CCDC192: variants seen among roughly 807,000 people sequenced by gnomAD.
CCDC192 encodes coiled-coil domain-containing protein 192.
At chr5:127,780,583 G>C (rs1029979670) in intron 3 of CCDC192, among the ~76,000 whole-genome samples, 1 of 152,156 alleles carries the variant, frequency 6.6e-6, no homozygotes, top group Middle Eastern at 3.4e-3. Context: ...GTGATGTTGA[G>C]CATTTTTTCA....
At chr5:127,757,193 A>G (rs768864581) in intron 3 of CCDC192, among the ~76,000 whole-genome samples, 6 of 152,202 alleles carry the variant, frequency 3.9e-5, no homozygotes, top group Non-Finnish European at 7.3e-5. Flanking sequence ...AGGTGTTTAT[A>G]TGACTCCAAG....
chr5:127,910,219 C>T (rs1246645949), intron 6 of CCDC192, among the ~76,000 whole-genome samples: 1 of 152,178 alleles, frequency 6.6e-6, no homozygotes, highest in Non-Finnish European at 1.5e-5. Context: ...TTATGGCTGT[C>T]AAGATGATGA....
chr5:127,887,216 C>A (rs933130673), intron 6 of CCDC192, among the ~76,000 whole-genome samples: 1 of 150,990 alleles, frequency 6.6e-6, no homozygotes, highest in African/African-American at 2.4e-5. Flanking sequence ...GTAATCCCAG[C>A]TACTCTGGAG....
chr5:127,845,753 A>C (rs1040102177), intron 5 of CCDC192, among the ~76,000 whole-genome samples: 2 of 152,222 alleles, frequency 1.3e-5, no homozygotes, highest in Non-Finnish European at 2.9e-5. Context: ...TATAACTCTT[A>C]CTTTAGCATG....
intron 5 of CCDC192, among the ~76,000 whole-genome samples, chr5:127,841,986 G>A (rs1750311666): frequency 6.6e-6 from 1 of 152,212 alleles, no homozygotes; most frequent in South Asian, 2.1e-4. Context: ...AGTGACAGAG[G>A]CTGTGTTGAC....
intron 3 of CCDC192, among the ~76,000 whole-genome samples, chr5:127,755,639 T>G (rs2126877009): frequency 7.1e-6 from 1 of 141,676 alleles, no homozygotes; most frequent in Non-Finnish European, 1.5e-5. Flanking sequence ...AATTAAGAAT[T>G]ACCAAGAACG....
At chr5:127,719,476 C>CAT (rs71575703) in intron 2 of CCDC192, among the ~76,000 whole-genome samples, 1,406 of 127,676 alleles carry the variant, frequency 0.011, 35 homozygotes, top group South Asian at 0.019. Context: ...CAGACACATA[C>CAT]ATATATATAT....
At chr5:127,847,256 G>T (rs1273611784) in intron 5 of CCDC192, among the ~76,000 whole-genome samples, 1 of 152,034 alleles carries the variant, frequency 6.6e-6, no homozygotes, top group African/African-American at 2.4e-5. Context: ...GAATATCCTT[G>T]CCTCCTAGCC....
chr5:127,744,745 G>A (rs1753639320), intron 2 of CCDC192, among the ~76,000 whole-genome samples: 1 of 152,170 alleles, frequency 6.6e-6, no homozygotes, highest in African/African-American at 2.4e-5. Context: ...TTTAAAATAA[G>A]CTAGAGAGTC....
chr5:127,839,397 G>T (rs191008908), intron 5 of CCDC192, among the ~76,000 whole-genome samples: 2 of 152,232 alleles, frequency 1.3e-5, no homozygotes, highest in Admixed American at 1.3e-4. Context: ...ATGTTATAAA[G>T]TATGTTTTAA....
intron 6 of CCDC192, among the ~76,000 whole-genome samples, chr5:127,882,319 G>A (rs558840874): frequency 2.0e-4 from 30 of 152,090 alleles, no homozygotes; most frequent in Admixed American, 8.5e-4. Flanking sequence ...TTTCTTTGCC[G>A]ACACCCCAGA....
chr5:127,818,453 T>C (rs1749130558), intron 5 of CCDC192, among the ~76,000 whole-genome samples: 2 of 152,106 alleles, frequency 1.3e-5, no homozygotes, highest in African/African-American at 4.8e-5. Context: ...AAACAAGACA[T>C]GGGGACTTTT....
intron 3 of CCDC192, chr5:127,786,865 T>C: frequency 4.1e-6 from 2 of 493,242 alleles, no homozygotes; most frequent in Non-Finnish European, 7.7e-6. Flanking sequence ...CATGCTTGGT[T>C]TGACTGGTGT....
chr5:127,775,852 AGC>A (rs1217967734), intron 3 of CCDC192, among the ~76,000 whole-genome samples: 1 of 152,158 alleles, frequency 6.6e-6, no homozygotes, highest in Non-Finnish European at 1.5e-5. Context: ...TCCCTGCACA[AGC>A]TCTCTTTTTG....
rs570442322 is a variant in CCDC192, at chr5:127,843,251, G to A, written c.412-32287G>A. ...GACGAGGTTTCACCATGTTACCCCG[G>A]ATGGTCTCGATCTCCTGACCTCGTA... On this transcript the variant is annotated intron_variant, in intron 5 of 6. Coordinates refer to ENST00000514853, the MANE Select transcript of CCDC192 (RefSeq NM_001317938.2). Among the ~76,000 whole-genome samples the A allele has an allele frequency of 1.3e-3, 196 of 151,092 alleles. 1 individual carries two copies. Among genetic ancestry groups the A allele is most frequent in the African/African-American group, 4.7e-3 (193 of 41,186 alleles).
chr5:127,867,397 T>C (rs1449588857), intron 5 of CCDC192, among the ~76,000 whole-genome samples: 2 of 152,264 alleles, frequency 1.3e-5, no homozygotes, highest in East Asian at 3.8e-4. Context: ...GCACTTTCAC[T>C]AAGCAGGTAT....
At chr5:127,754,592 T>G (rs1006446501) in intron 3 of CCDC192, among the ~76,000 whole-genome samples, 4 of 152,104 alleles carry the variant, frequency 2.6e-5, no homozygotes, top group African/African-American at 7.2e-5. Flanking sequence ...TTAGTCTGTA[T>G]GGACCTTTTC....
At chr5:127,881,419 T>G (rs189982081) in intron 6 of CCDC192, among the ~76,000 whole-genome samples, 261 of 152,348 alleles carry the variant, frequency 1.7e-3, no homozygotes, top group African/African-American at 5.2e-3. Context: ...CCTTTTTACC[T>G]CTGTGTGATT....
intron 6 of CCDC192, among the ~76,000 whole-genome samples, chr5:127,890,953 T>C (rs1441132733): frequency 6.6e-6 from 1 of 152,292 alleles, no homozygotes; most frequent in East Asian, 1.9e-4. Flanking sequence ...GCAGCCATGT[T>C]TTTTTCCCCA....
Sources: gnomAD v4.1 joint callset for allele counts (sites outside exome capture counted in the v4.1 genomes callset) on GRCh38, gnomAD v4.1.1 for gene constraint, MANE v1.5 for transcripts, NCBI Gene and HGNC (gene_info 2026-07-23, HGNC 2026-07-21) for gene names.